Variants in MAGED1 observed in about 807,000 individuals in gnomAD.
MAGED1 encodes melanoma-associated antigen D1.
In MAGED1, 3 loss-of-function variants were observed where a neutral mutation model predicts 54.1. That is an observed-to-expected ratio of 0.06 (90% CI 0.03 to 0.14). The LOEUF (loss-of-function observed/expected upper bound fraction) is 0.14. Among genes scored for constraint, MAGED1 ranks in the 10% least tolerant of loss-of-function variants. The probability of loss-of-function intolerance (pLI) is 1.00; values close to 1 mark genes in which losing one functional copy is unlikely to be tolerated. For missense variants in MAGED1, 485 were observed against 623.4 expected, an observed-to-expected ratio of 0.78 and a Z score of 2.36; for synonymous variants, 217 against 227.3, an observed-to-expected ratio of 0.95 and a Z score of 0.41.
In MAGED1 at chrX:51,869,895, G is replaced by A. The variant is rs1437699748; in HGVS notation, c.-36-24374G>A. On this transcript the variant is annotated intron_variant, in intron 1 of 12. Transcript: ENST00000375772. ...AAAATGAAACAAAACAAAAAGAGAC[G>A]GAGTCTTGCCCTGGCGCCCAGGCTG... Among the ~76,000 whole-genome samples, 4 of 110,717 alleles carry A rather than the reference G, an allele frequency of 3.6e-5. No homozygotes were observed. The Admixed American group carries it at 3.8e-4, about 11-fold the overall frequency.
chrX:51,818,916 C>A (rs1297321128), intron 1 of MAGED1, among the ~76,000 whole-genome samples: 3 of 112,121 alleles, frequency 2.7e-5, no homozygotes, highest in African/African-American at 9.7e-5. Context: ...TTTGAGGCAT[C>A]ATTGATAGTG....
intron 1 of MAGED1, among the ~76,000 whole-genome samples, chrX:51,878,760 A>G (rs60919030): frequency 9.0e-6 from 1 of 110,853 alleles, no homozygotes; most frequent in Admixed American, 9.6e-5. Flanking sequence ...TCTTATACAT[A>G]TATAAATAAA....
At chrX:51,872,072 T>C (rs1253882251) in intron 1 of MAGED1, among the ~76,000 whole-genome samples, 3 of 112,295 alleles carry the variant, frequency 2.7e-5, no homozygotes, top group Non-Finnish European at 3.8e-5. Flanking sequence ...CATAAATGTC[T>C]TCCTTTGAAA....
At chrX:51,879,299 C>T (rs782111942) in intron 1 of MAGED1, among the ~76,000 whole-genome samples, 2 of 111,343 alleles carry the variant, frequency 1.8e-5, no homozygotes, top group African/African-American at 3.3e-5. Flanking sequence ...TCTTTCTGCC[C>T]GAAGAAAATC....
intron 1 of MAGED1, among the ~76,000 whole-genome samples, chrX:51,888,272 C>T (rs1928311056): frequency 9.0e-6 from 1 of 111,389 alleles, no homozygotes; most frequent in Admixed American, 9.6e-5. Context: ...AATATATATA[C>T]CTACTATGTA....
At chrX:51,838,661 C>T (rs12853137) in intron 1 of MAGED1, among the ~76,000 whole-genome samples, 1 of 110,880 alleles carries the variant, frequency 9.0e-6, no homozygotes, top group African/African-American at 3.3e-5. Flanking sequence ...TTTACTAATA[C>T]AGAGCTGAAG....
chrX:51,884,803 G>A (rs1199660022), intron 1 of MAGED1, among the ~76,000 whole-genome samples: 2 of 112,188 alleles, frequency 1.8e-5, no homozygotes, highest in Non-Finnish European at 3.8e-5. Context: ...TTCCATGTAC[G>A]GTTCAGCATC....
chrX:51,851,678 A>G (rs140205854), intron 1 of MAGED1, among the ~76,000 whole-genome samples: 80 of 108,906 alleles, frequency 7.3e-4, no homozygotes, highest in Non-Finnish European at 8.9e-4. Flanking sequence ...CAGCTACTAG[A>G]TGACTCATAG....
chrX:51,816,524 T>C (rs782342098), intron 1 of MAGED1, among the ~76,000 whole-genome samples: 31 of 111,979 alleles, frequency 2.8e-4, no homozygotes, highest in African/African-American at 9.7e-4. Context: ...TAAAATTGCC[T>C]ACAGTATTCA....
chrX:51,809,941 A>G (rs1267937282), intron 1 of MAGED1, among the ~76,000 whole-genome samples: 1 of 112,216 alleles, frequency 8.9e-6, no homozygotes, highest in Non-Finnish European at 1.9e-5. Context: ...TTTCATAATA[A>G]TCAAGATAAA....
chrX:51,815,015 CGCCTGTGGTCCCA>C (rs1260865867), intron 1 of MAGED1, among the ~76,000 whole-genome samples: 1 of 104,705 alleles, frequency 9.6e-6, no homozygotes, highest in African/African-American at 3.5e-5. Context: ...TGGTGACGCA[CGCCTGTGGTCCCA>C]GGTACTCTGG....
In MAGED1 at chrX:51,894,706, C is replaced by T. The variant is rs141749849; in HGVS notation, c.46-347C>T. Reference sequence around the variant, plus strand: ...ACCCTCCCTCTTTCTGCATTCCCCACTCTGTGCGACCCCCCTTATTCTCAA... The same window carrying T: ...ACCCTCCCTCTTTCTGCATTCCCCATTCTGTGCGACCCCCCTTATTCTCAA... On this transcript the variant is annotated intron_variant, in intron 2 of 12. Coordinates refer to ENST00000326587, the MANE Select transcript of MAGED1 (RefSeq NM_006986.4). 3.4e-6 allele frequency: 4 copies of T among 1,168,340 alleles called. No homozygotes were observed. The African/African-American group carries it at 7.5e-5, about 22-fold the overall frequency.
intron 11 of MAGED1, 135 bp downstream of exon 11, chrX:51,900,431 T>C (rs1928963480): frequency 1.3e-5 from 6 of 447,957 alleles, no homozygotes; most frequent in Non-Finnish European, 2.3e-5. Context: ...TTGTTGTTGC[T>C]GTTAGGTAAA....
chrX:51,841,296 T>G (rs1330663158), intron 1 of MAGED1, among the ~76,000 whole-genome samples: 24 of 111,042 alleles, frequency 2.2e-4, no homozygotes, highest in African/African-American at 7.2e-4. Flanking sequence ...GTTTTTTTCT[T>G]GTAAATTTGT....
intron 1 of MAGED1, among the ~76,000 whole-genome samples, chrX:51,861,788 A>G (rs1013585276): frequency 1.8e-5 from 2 of 110,767 alleles, no homozygotes; most frequent in African/African-American, 6.6e-5. Context: ...GGTTCAAGCA[A>G]TTTTCCTGCC....
At chrX:51,863,649 G>T (rs888175027) in intron 1 of MAGED1, among the ~76,000 whole-genome samples, 5 of 111,838 alleles carry the variant, frequency 4.5e-5, no homozygotes, top group Admixed American at 2.8e-4. Context: ...GTTATCATTT[G>T]ACTTTTTGAT....
At chrX:51,884,031 A>G (rs1557362672) in intron 1 of MAGED1, among the ~76,000 whole-genome samples, 1 of 111,510 alleles carries the variant, frequency 9.0e-6, no homozygotes, top group African/African-American at 3.3e-5. Context: ...GACTATTACA[A>G]AAGATTTAAA....
chrX:51,855,004 A>G (rs1029757164), intron 1 of MAGED1, among the ~76,000 whole-genome samples: 1 of 111,682 alleles, frequency 9.0e-6, no homozygotes, highest in Non-Finnish European at 1.9e-5. Context: ...TTGCCTCTGC[A>G]TTGTCCTCCA....
At chrX:51,815,644 T>A (rs1925388899) in intron 1 of MAGED1, among the ~76,000 whole-genome samples, 1 of 109,273 alleles carries the variant, frequency 9.2e-6, no homozygotes, top group African/African-American at 3.3e-5. Flanking sequence ...TGCCTCAGCC[T>A]CCGGAGTTCT....
Sources: allele counts gnomAD v4.1 joint callset (sites outside exome capture counted in the v4.1 genomes callset), GRCh38; gene constraint gnomAD v4.1.1; transcripts MANE v1.5; gene names NCBI Gene and HGNC (gene_info 2026-07-23, HGNC 2026-07-21).